UTRN: variants seen among roughly 807,000 people sequenced by gnomAD.
UTRN encodes dystrophin-related protein 1.
A neutral mutation model predicts 463.9 loss-of-function variants in UTRN; 283 were observed. The ratio of observed to expected loss-of-function variants is 0.61; its 90% CI spans 0.55 to 0.67. The LOEUF is 0.67. UTRN is among the 30% of genes least tolerant of loss of function. The probability of loss-of-function intolerance (pLI) is 0.00; values close to 1 mark genes in which losing one functional copy is unlikely to be tolerated. For synonymous variants in UTRN, 1,442 were observed against 1,431.5 expected (o/e 1.01, Z -0.17); for missense variants, 3,922 against 4,084.3 (o/e 0.96, Z 1.08).
chr6:144,554,906 A>T lies in UTRN; in HGVS notation c.7134+13A>T. On this transcript the variant is annotated intron_variant, in intron 49 of 74. Transcript: ENST00000367545. ...TTCTGATAACCAAGTAAGACTCATCAGATATTTTTTGGCAGTATTGTTTTG... is the reference window on the plus strand; with the variant it reads ...TTCTGATAACCAAGTAAGACTCATCTGATATTTTTTGGCAGTATTGTTTTG... The T allele has an allele frequency of 6.2e-7, 1 of 1,613,502 alleles. No individual in the cohort carries two copies. Among genetic ancestry groups the T allele is most frequent in the African/African-American group, 1.3e-5 (1 of 75,034 alleles).
intron 2 of UTRN, among the ~76,000 whole-genome samples, chr6:144,385,228 A>G (rs1781307224): frequency 6.6e-6 from 1 of 152,234 alleles, no homozygotes; most frequent in African/African-American, 2.4e-5. Flanking sequence ...AAGAAAACAG[A>G]GAACGTTATC....
rs12662483 is a variant in UTRN at position 144,641,830 on chromosome 6, G to A, written c.7480-36576G>A. On this transcript the variant is annotated intron_variant, in intron 51 of 74. Transcript: ENST00000367545. ...CCCGAATAATATTGCCATGAATAAA[G>A]CGGTTGATTAGTGATTGGTTGACTT... 0.049 allele frequency among the ~76,000 whole-genome samples: 7,414 copies of A among 152,290 alleles called. 810 individuals are homozygous for A. The East Asian group carries it at 0.52, about 11-fold the overall frequency.
At chr6:144,444,967 C>T (rs1479954583) in intron 14 of UTRN, among the ~76,000 whole-genome samples, 2 of 152,210 alleles carry the variant, frequency 1.3e-5, no homozygotes, top group Non-Finnish European at 2.9e-5. Context: ...TTTGCCTGTT[C>T]TCTGTCTTTC....
intron 2 of UTRN, among the ~76,000 whole-genome samples, chr6:144,386,592 C>G (rs1429790283): frequency 6.6e-6 from 1 of 152,110 alleles, no homozygotes; most frequent in East Asian, 1.9e-4. Context: ...CCAATTTATA[C>G]CCTTTTAGGC....
At chr6:144,452,220 C>A (rs1053650113) in intron 18 of UTRN, among the ~76,000 whole-genome samples, 5 of 152,162 alleles carry the variant, frequency 3.3e-5, no homozygotes, top group African/African-American at 1.2e-4. Context: ...TTCTTAGAGT[C>A]TCTTACTAAT....
intron 72 of UTRN, 28 bp from the exon 73 acceptor site, chr6:144,840,712 T>C: frequency 6.2e-7 from 1 of 1,612,354 alleles, no homozygotes; most frequent in Non-Finnish European, 8.5e-7. Flanking sequence ...TTGAGAAGCT[T>C]TGTTGTTCTC....
At chr6:144,794,125 T>A in intron 63 of UTRN, 134 bp downstream of exon 63, 1 of 1,253,880 alleles carries the variant, frequency 8.0e-7, no homozygotes, top group Non-Finnish European at 1.1e-6. Context: ...AAGTGGTGTA[T>A]TTTATTTCCT....
At chr6:144,321,116 T>C (rs1775609133) in intron 2 of UTRN, among the ~76,000 whole-genome samples, 1 of 152,220 alleles carries the variant, frequency 6.6e-6, no homozygotes, top group African/African-American at 2.4e-5. Flanking sequence ...TGAAATAATT[T>C]GATGTATAAG....
chr6:144,721,406 G>A (rs2128709016), intron 53 of UTRN, among the ~76,000 whole-genome samples: 1 of 152,202 alleles, frequency 6.6e-6, no homozygotes, highest in Middle Eastern at 3.4e-3. Flanking sequence ...ACGGGGTCTA[G>A]CTATGTTGCC....
chr6:144,557,825 G>A lies in UTRN; in HGVS notation c.7289+514G>A, dbSNP rs73600150. On this transcript the variant is annotated intron_variant, in intron 50 of 74. Transcript: ENST00000367545. ...ATCTTTTTTCCCATTACTTTGTCTA[G>A]TCAGAGTATTTGGAACAGCCCAAAA... 1.9e-3 allele frequency among the ~76,000 whole-genome samples: 286 copies of A among 152,154 alleles called. 2 individuals carry two copies. Among genetic ancestry groups the A allele is most frequent in the African/African-American group, 6.6e-3 (275 of 41,516 alleles).
chr6:144,559,833 A>G (rs1462375110), intron 50 of UTRN, among the ~76,000 whole-genome samples: 1 of 152,186 alleles, frequency 6.6e-6, no homozygotes, highest in Admixed American at 6.6e-5. Context: ...TGTTGAGAAT[A>G]CATGGTCTAA....
intron 51 of UTRN, among the ~76,000 whole-genome samples, chr6:144,667,374 T>G (rs1780534191): frequency 6.6e-6 from 1 of 152,184 alleles, no homozygotes; most frequent in Admixed American, 6.5e-5. Context: ...TTTTTGCTTC[T>G]CTTCAATGTG....
At chr6:144,795,873 GTTTT>G (rs1479020946) in intron 63 of UTRN, among the ~76,000 whole-genome samples, 3 of 151,442 alleles carry the variant, frequency 2.0e-5, no homozygotes, top group Non-Finnish European at 4.4e-5. Flanking sequence ...GTTTTTGTTT[GTTTT>G]TTGTTTGTTT....
intron 43 of UTRN, among the ~76,000 whole-genome samples, chr6:144,535,550 A>G (rs569071272): frequency 2.6e-5 from 4 of 152,372 alleles, no homozygotes; most frequent in Admixed American, 1.3e-4. Context: ...AGTGAAAAGA[A>G]TAATGAATCT....
chr6:144,584,588 G>A (rs73001731), intron 51 of UTRN, among the ~76,000 whole-genome samples: 20,951 of 152,058 alleles, frequency 0.14, 1,774 homozygotes, highest in Middle Eastern at 0.25. Flanking sequence ...GCAGCAGATT[G>A]AGGTGGGAAG....
Position 144,516,214 on chromosome 6 carries a change from CT to C in UTRN, c.5245-11del. ...ATTAAAAATCTATTTTCAGAGAATT[CT>C]TTTCCTTCTACAGTTGCTAATTGCT... On this transcript the variant is annotated splice_polypyrimidine_tract_variant and intron_variant, in intron 37 of 74. Coordinates refer to ENST00000367545, the MANE Select transcript of UTRN (RefSeq NM_007124.3). 1.2e-6 allele frequency: 2 copies of C among 1,606,216 alleles called. No individual in the cohort carries two copies. Among genetic ancestry groups the C allele is most frequent in the African/African-American group, 1.3e-5 (1 of 74,546 alleles).
intron 2 of UTRN, among the ~76,000 whole-genome samples, chr6:144,296,665 A>G (rs1024569315): frequency 4.6e-5 from 7 of 152,238 alleles, no homozygotes; most frequent in Non-Finnish European, 1.0e-4. Context: ...CTAACTCACA[A>G]GACATTTTAT....
At position 144,493,451 on chromosome 6, in the gene UTRN, G is replaced by T. The variant is rs771082025; in HGVS notation, c.4588G>T (p.Ala1530Ser). 1 of 1,613,618 alleles carries T rather than the reference G, an allele frequency of 6.2e-7. No individual in the cohort carries two copies. ...SLKVLYNDLG[A>S]QVTEGKQDLE... ...GAAGGTTCTTTACAATGACCTGGGCGCACAGGTGAGGAGAGCAGCCCCACA... is the reference window on the plus strand; with the variant it reads ...GAAGGTTCTTTACAATGACCTGGGCTCACAGGTGAGGAGAGCAGCCCCACA... Residue 1530 changes from alanine to serine, a missense_variant, in exon 33 of 75, where the codon GCA becomes TCA. Coordinates refer to ENST00000367545, the MANE Select transcript of UTRN (RefSeq NM_007124.3).
chr6:144,542,528 G>C (rs1445661905), intron 45 of UTRN, among the ~76,000 whole-genome samples: 2 of 152,164 alleles, frequency 1.3e-5, no homozygotes, highest in African/African-American at 4.8e-5. Flanking sequence ...AGTAATAACA[G>C]AATTCAAGGG....
Sources: allele counts gnomAD v4.1 joint callset (sites outside exome capture counted in the v4.1 genomes callset), GRCh38; gene constraint gnomAD v4.1.1; transcripts MANE v1.5; gene names NCBI Gene and HGNC (gene_info 2026-07-23, HGNC 2026-07-21).